Variants in SHISA6 observed in about 807,000 individuals in gnomAD.
SHISA6 encodes shisa family member 6, also known as protein shisa-6.
Under a neutral mutation model 47.9 loss-of-function variants are expected in SHISA6, and 22 were observed. That is an observed-to-expected ratio of 0.46 (90% confidence interval 0.33 to 0.66). SHISA6 has a LOEUF of 0.66. Ranked by LOEUF, SHISA6 falls within the 30% of genes least tolerant of loss-of-function variation. SHISA6 has a pLI of 0.02. For synonymous variants in SHISA6, 388 were observed against 337.8 expected (o/e 1.15, Z -1.63); for missense variants, 680 against 764.6 (o/e 0.89, Z 1.30).
At chr17:11,379,598 T>C in intron 3 of SHISA6, 89 bp downstream of exon 3, 1 of 867,714 alleles carries the variant, frequency 1.2e-6, no homozygotes, top group Non-Finnish European at 1.8e-6. Context: ...GCCAGAGGCT[T>C]GTCTGGGACA....
chr17:11,526,919 AT>A (rs1204448438), intron 3 of SHISA6, among the ~76,000 whole-genome samples: 2 of 23,730 alleles, frequency 8.4e-5, no homozygotes, highest in African/African-American at 4.0e-4. Context: ...ATATATATAT[AT>A]ATATATATAT....
At chr17:11,448,750 C>T (rs752670030) in intron 3 of SHISA6, among the ~76,000 whole-genome samples, 7 of 151,846 alleles carry the variant, frequency 4.6e-5, no homozygotes, top group Non-Finnish European at 5.9e-5. Flanking sequence ...CGCTTGAACC[C>T]GAGAGGTGGA....
intron 2 of SHISA6, among the ~76,000 whole-genome samples, chr17:11,353,729 A>G (rs1407545426): frequency 6.6e-6 from 1 of 152,174 alleles, no homozygotes; most frequent in African/African-American, 2.4e-5. Flanking sequence ...CTTTGAGGAA[A>G]GGGAAGGTTA....
intron 3 of SHISA6, among the ~76,000 whole-genome samples, chr17:11,436,644 T>C (rs1914951358): frequency 6.6e-6 from 1 of 152,216 alleles, no homozygotes; most frequent in Non-Finnish European, 1.5e-5. Flanking sequence ...GGGGAGGCAC[T>C]CTCATGAACT....
chr17:11,534,495 A>T (rs2071768290), intron 3 of SHISA6, among the ~76,000 whole-genome samples: 3 of 152,202 alleles, frequency 2.0e-5, no homozygotes, highest in Non-Finnish European at 4.4e-5. Context: ...TGAATTTTTC[A>T]TCACCTGCCA....
In SHISA6 at chr17:11,563,997, A is replaced by G. The variant is rs1278022091; in HGVS notation, c.*5693A>G. ...ATACACTTTAGTAAGATTTAGTCTTAAGGATTTTTCCACTTTTGTCAGTAA... is the reference window on the plus strand; with the variant it reads ...ATACACTTTAGTAAGATTTAGTCTTGAGGATTTTTCCACTTTTGTCAGTAA... On this transcript the variant is annotated 3_prime_UTR_variant, in exon 6 of 6. Coordinates refer to ENST00000441885, the MANE Select transcript of SHISA6 (RefSeq NM_207386.4). 1 of 152,228 alleles carries G rather than the reference A, an allele frequency of 6.6e-6. No individual in the cohort carries two copies. 9.4% of individuals were successfully genotyped at this position (152,228 alleles called of 1,614,324 possible).
rs185592948 is a variant in SHISA6, at chr17:11,503,798, A to T, written c.896-48098A>T. Among the ~76,000 whole-genome samples the T allele has an allele frequency of 3.9e-3, 598 of 152,340 alleles. 1 individual carries two copies. The highest frequency in any genetic ancestry group is 4.7e-3 in the Non-Finnish European group (318 of 68,032). On this transcript the variant is annotated intron_variant, in intron 3 of 5. Coordinates refer to ENST00000441885, the MANE Select transcript of SHISA6 (RefSeq NM_207386.4). ...GCTGTTTCATATAGGAATGTATACC[A>T]GATGTAGCCGGCGCTACTGTGGCTG...
intron 3 of SHISA6, among the ~76,000 whole-genome samples, chr17:11,494,150 T>C (rs1031368859): frequency 2.0e-5 from 3 of 152,108 alleles, no homozygotes; most frequent in Admixed American, 1.3e-4. Context: ...CAGGGACTTA[T>C]CTCAGGCAGA....
At chr17:11,494,033 T>C (rs2071388224) in intron 3 of SHISA6, among the ~76,000 whole-genome samples, 1 of 152,168 alleles carries the variant, frequency 6.6e-6, no homozygotes, top group Non-Finnish European at 1.5e-5. Context: ...AGTCAGGCTC[T>C]GCAAGCATAA....
chr17:11,547,332 A>G (rs906349703), intron 3 of SHISA6, among the ~76,000 whole-genome samples: 17 of 152,252 alleles, frequency 1.1e-4, no homozygotes, highest in African/African-American at 4.1e-4. Flanking sequence ...AGGAAATCTC[A>G]GTAAGTTCCA....
At chr17:11,249,798 G>A (rs2041243) in intron 1 of SHISA6, among the ~76,000 whole-genome samples, 148,357 of 152,314 alleles carry the variant, frequency 0.97, 72,364 homozygotes, top group Middle Eastern at 1. Flanking sequence ...TGATGAATGA[G>A]ATAGGTGATC....
chr17:11,277,280 TCACACACACA>T lies in SHISA6; in HGVS notation c.799+13784_799+13793del, dbSNP rs113287260. Among the ~76,000 whole-genome samples, 181 of 53,892 alleles carry T rather than the reference TCACACACACA, an allele frequency of 3.4e-3. 1 individual carries two copies. Among genetic ancestry groups the T allele is most frequent in the African/African-American group, 7.4e-3 (102 of 13,836 alleles). 35.4% of individuals were successfully genotyped at this position (53,892 alleles called of 152,430 possible). The stretch of plus-strand genomic sequence containing the variant: ...CTCTCTCTCTCTCTCTCTCTCTCTC[TCACACACACA>T]CACACACACACACACACACACACAC... On this transcript the variant is annotated intron_variant, in intron 2 of 5. Coordinates refer to ENST00000441885, the MANE Select transcript of SHISA6 (RefSeq NM_207386.4).
intron 3 of SHISA6, among the ~76,000 whole-genome samples, chr17:11,549,764 T>A (rs1597582078): frequency 6.6e-6 from 1 of 152,226 alleles, no homozygotes; most frequent in African/African-American, 2.4e-5. Flanking sequence ...TTCTCTGTGA[T>A]CCTGCCATAT....
intron 3 of SHISA6, among the ~76,000 whole-genome samples, chr17:11,475,190 CT>C (rs1916023822): frequency 6.6e-6 from 1 of 152,004 alleles, no homozygotes; most frequent in Admixed American, 6.6e-5. Context: ...GTTGTTGAAT[CT>C]TCTCAATTTT....
chr17:11,388,547 T>C (rs994687609), intron 3 of SHISA6, among the ~76,000 whole-genome samples: 1 of 151,944 alleles, frequency 6.6e-6, no homozygotes, highest in Non-Finnish European at 1.5e-5. Flanking sequence ...AACCTGTCAT[T>C]GCCTTGGTGT....
rs539911985 is a variant in SHISA6, at chr17:11,529,738, A to G, written c.896-22158A>G. On this transcript the variant is annotated intron_variant, in intron 3 of 5. Coordinates refer to ENST00000441885, the MANE Select transcript of SHISA6 (RefSeq NM_207386.4). Reference sequence around the variant, plus strand: ...AGTCAAAAAATTAAATGATAAGACAAATGATTTTGGGGGAAAATGTTATGA... The same window carrying G: ...AGTCAAAAAATTAAATGATAAGACAGATGATTTTGGGGGAAAATGTTATGA... 8.5e-5 allele frequency among the ~76,000 whole-genome samples: 13 copies of G among 152,344 alleles called. No individual in the cohort carries two copies. In the South Asian group the frequency reaches 2.3e-3, roughly 27 times the overall value.
chr17:11,311,279 CAAAAA>C (rs200852475), intron 2 of SHISA6, among the ~76,000 whole-genome samples: 1 of 52,424 alleles, frequency 1.9e-5, no homozygotes, highest in Non-Finnish European at 4.0e-5. Flanking sequence ...AAGACTTCGT[CAAAAA>C]AAAAAAAAAA....
At chr17:11,441,128 C>A (rs1326880627) in intron 3 of SHISA6, among the ~76,000 whole-genome samples, 1 of 152,210 alleles carries the variant, frequency 6.6e-6, no homozygotes, top group Non-Finnish European at 1.5e-5. Context: ...CAACTCCAGG[C>A]CCATCTCAAG....
At chr17:11,243,851 A>C (rs1223286265) in intron 1 of SHISA6, among the ~76,000 whole-genome samples, 1 of 152,038 alleles carries the variant, frequency 6.6e-6, no homozygotes, top group East Asian at 1.9e-4. Context: ...ATCTTTCTTT[A>C]AGTTACTTTC....
Sources: allele counts gnomAD v4.1 joint callset (sites outside exome capture counted in the v4.1 genomes callset), GRCh38; gene constraint gnomAD v4.1.1; transcripts MANE v1.5; gene names NCBI Gene and HGNC (gene_info 2026-07-23, HGNC 2026-07-21).